Variants in SLCO2B1 observed in about 807,000 individuals in gnomAD.
SLCO2B1 encodes solute carrier organic anion transporter family member 2B1.
SLCO2B1 carries 41 observed loss-of-function variants against 67.3 expected under a neutral mutation model. The ratio of observed to expected loss-of-function variants is 0.61; its 90% CI spans 0.47 to 0.79. The LOEUF is 0.79. Ranked by LOEUF, SLCO2B1 falls within the 30% of genes least tolerant of loss-of-function variation. The pLI is 0.00. For missense variants in SLCO2B1, 837 were observed against 920.1 expected, an observed-to-expected ratio of 0.91 and a Z score of 1.17; for synonymous variants, 379 against 381.4, an observed-to-expected ratio of 0.99 and a Z score of 0.07.
chr11:75,182,713 A>G (rs558867179), intron 7 of SLCO2B1, among the ~76,000 whole-genome samples: 41 of 152,174 alleles, frequency 2.7e-4, no homozygotes, highest in African/African-American at 9.6e-4. Context: ...CTGCACTCCA[A>G]TCTGGGGGAC....
intron 3 of SLCO2B1, among the ~76,000 whole-genome samples, chr11:75,164,904 C>A (rs537945512): frequency 4.6e-5 from 7 of 152,118 alleles, no homozygotes; most frequent in Non-Finnish European, 1.0e-4. Context: ...TCTATGAATA[C>A]GGCCACTATG....
At chr11:75,204,253 C>T (rs1945234574) in intron 13 of SLCO2B1, 147 bp from the exon 14 acceptor site, 4 of 805,554 alleles carry the variant, frequency 5.0e-6, no homozygotes, top group Non-Finnish European at 7.7e-6. Context: ...TGCAGAGCCT[C>T]TCCCCCTCCT....
At chr11:75,154,362 T>C (rs1949723267) in intron 1 of SLCO2B1, among the ~76,000 whole-genome samples, 1 of 151,154 alleles carries the variant, frequency 6.6e-6, no homozygotes, top group South Asian at 2.1e-4. Context: ...TAGCTGTGTG[T>C]GGTGGCACAT....
chr11:75,161,790 G>T (rs1949824582), intron 1 of SLCO2B1, among the ~76,000 whole-genome samples: 1 of 152,154 alleles, frequency 6.6e-6, no homozygotes, highest in South Asian at 2.1e-4. Context: ...GAGTCTCAAG[G>T]TTGGACTTCT....
At chr11:75,186,875 G>A (rs1376451643) in intron 7 of SLCO2B1, among the ~76,000 whole-genome samples, 1 of 152,136 alleles carries the variant, frequency 6.6e-6, no homozygotes, top group Non-Finnish European at 1.5e-5. Flanking sequence ...AGTACTCTGG[G>A]GCCTTGGCCT....
chr11:75,169,787 T>A, intron 6 of SLCO2B1, 23 bp downstream of exon 6: 1 of 1,582,982 alleles, frequency 6.3e-7, no homozygotes, highest in Non-Finnish European at 8.7e-7. Flanking sequence ...AGCACATGTT[T>A]GCTAGACCCT....
At chr11:75,169,886 C>T in intron 6 of SLCO2B1, 122 bp downstream of exon 6, 1 of 714,080 alleles carries the variant, frequency 1.4e-6, no homozygotes, top group South Asian at 1.7e-5. Flanking sequence ...GGGCAAGTCT[C>T]TTAGCCTCTC....
chr11:75,191,579 G>A (rs1223611475), intron 8 of SLCO2B1, among the ~76,000 whole-genome samples: 1 of 152,164 alleles, frequency 6.6e-6, no homozygotes, highest in Non-Finnish European at 1.5e-5. Flanking sequence ...CAGGGGGCTA[G>A]GGAACCAGCT....
chr11:75,171,772 C>T (rs139899385), intron 6 of SLCO2B1, among the ~76,000 whole-genome samples: 15 of 152,270 alleles, frequency 9.9e-5, no homozygotes, highest in African/African-American at 3.1e-4. Context: ...CTTCCCACCC[C>T]ACTCTGTGGT....
chr11:75,187,334 C>T (rs944495022), intron 7 of SLCO2B1, among the ~76,000 whole-genome samples: 2 of 152,172 alleles, frequency 1.3e-5, no homozygotes, highest in Non-Finnish European at 2.9e-5. Flanking sequence ...GCACATGGGC[C>T]GTTCCCACCC....
At chr11:75,172,252 C>A (rs1949969188) in intron 6 of SLCO2B1, 127 bp from the exon 7 acceptor site, 2 of 793,224 alleles carry the variant, frequency 2.5e-6, no homozygotes, top group South Asian at 1.8e-5. Context: ...GCAGAGCAGA[C>A]TGGAACTCAG....
chr11:75,172,615 A>T, intron 7 of SLCO2B1, 46 bp downstream of exon 7: 3 of 1,525,198 alleles, frequency 2.0e-6, no homozygotes, highest in Non-Finnish European at 9.0e-7. Flanking sequence ...CTCCAGCACC[A>T]CCCACTTGTT....
At chr11:75,203,282 G>T (rs1196543839) in intron 12 of SLCO2B1, 25 bp from the exon 13 acceptor site, 8 of 1,610,440 alleles carry the variant, frequency 5.0e-6, no homozygotes, top group Non-Finnish European at 6.8e-6. Context: ...GGCCTTCATT[G>T]TCCCCTGAGC....
At chr11:75,185,844 G>A (rs1453663791) in intron 7 of SLCO2B1, among the ~76,000 whole-genome samples, 1 of 152,056 alleles carries the variant, frequency 6.6e-6, no homozygotes, top group Non-Finnish European at 1.5e-5. Flanking sequence ...TGCTACAAGG[G>A]TTTGTGATCA....
chr11:75,179,030 G>C (rs906860568), intron 7 of SLCO2B1, among the ~76,000 whole-genome samples: 4 of 152,020 alleles, frequency 2.6e-5, no homozygotes, highest in Non-Finnish European at 5.9e-5. Flanking sequence ...GGACTCTTTG[G>C]TTGAATCCGT....
At chr11:75,204,137 T>C (rs1031487079) in intron 13 of SLCO2B1, 8 of 337,216 alleles carry the variant, frequency 2.4e-5, no homozygotes, top group Non-Finnish European at 4.3e-5. Flanking sequence ...TCAGGCCCCC[T>C]GAGCCCTTGG....
intron 4 of SLCO2B1, among the ~76,000 whole-genome samples, chr11:75,166,260 C>T (rs777160534): frequency 6.6e-6 from 1 of 152,096 alleles, no homozygotes; most frequent in Non-Finnish European, 1.5e-5. Flanking sequence ...ATGCAGTAGA[C>T]CCTCCGGAAT....
At chr11:75,171,400 G>A (rs1949959375) in intron 6 of SLCO2B1, among the ~76,000 whole-genome samples, 1 of 152,148 alleles carries the variant, frequency 6.6e-6, no homozygotes, top group African/African-American at 2.4e-5. Context: ...GAGACTGCAG[G>A]TGTGCACCAT....
At chr11:75,158,775 T>C (rs185006063) in intron 1 of SLCO2B1, among the ~76,000 whole-genome samples, 24 of 152,310 alleles carry the variant, frequency 1.6e-4, no homozygotes, top group African/African-American at 5.8e-4. Context: ...ACATCTGGGA[T>C]TCCAACCCAG....
Sources: allele counts gnomAD v4.1 joint callset (sites outside exome capture counted in the v4.1 genomes callset), GRCh38; gene constraint gnomAD v4.1.1; transcripts MANE v1.5; gene names NCBI Gene and HGNC (gene_info 2026-07-23, HGNC 2026-07-21).